USP38: variants seen among roughly 807,000 people sequenced by gnomAD.
USP38 encodes ubiquitin specific peptidase 38.
USP38 carries 49 observed loss-of-function variants against 94.3 expected under a neutral mutation model. The ratio of observed to expected loss-of-function variants is 0.52; its 90% CI spans 0.41 to 0.66. USP38 has a LOEUF of 0.66. Ranked by LOEUF, USP38 falls within the 30% of genes least tolerant of loss-of-function variation. USP38 has a pLI of 0.00. For missense variants in USP38, 1,128 were observed against 1,229.4 expected (o/e 0.92, Z 1.23); for synonymous variants, 468 against 463.6 (o/e 1.01, Z -0.12).
At position 143,214,886 on chromosome 4, in the gene USP38, A is replaced by T. The variant is rs1732142228; in HGVS notation, c.2910A>T (p.Pro970=). The T allele has an allele frequency of 6.2e-7, 1 of 1,613,380 alleles. No homozygotes were observed. Among genetic ancestry groups the T allele is most frequent in the Non-Finnish European group, 8.5e-7 (1 of 1,179,664 alleles). Residue 970 remains proline (P), a synonymous_variant, in exon 9 of 10, where the codon CCA becomes CCT. Coordinates refer to ENST00000307017, the MANE Select transcript of USP38 (RefSeq NM_032557.6). ...GTGGACTCTGGATAAATGGAGACCC[A>T]CCTCTACAGAAAGAACTTATGGATG... is the stretch of plus-strand genomic sequence containing the variant. ...PTSGLWINGD[P]PLQKELMDAI... is the part of the protein sequence containing the mutation.
intron 2 of USP38, among the ~76,000 whole-genome samples, chr4:143,194,142 G>A (rs1169083171): frequency 1.3e-5 from 2 of 152,196 alleles, no homozygotes; most frequent in Non-Finnish European, 2.9e-5. Context: ...TTTTAGTAAT[G>A]TATTTATGTC....
intron 6 of USP38, 96 bp downstream of exon 6, chr4:143,206,322 T>A: frequency 1.0e-6 from 1 of 1,004,924 alleles, no homozygotes; most frequent in Non-Finnish European, 1.4e-6. Flanking sequence ...TTATTCCTTA[T>A]AAATGGCATA....
At chr4:143,197,125 T>C (rs1731573004) in intron 3 of USP38, among the ~76,000 whole-genome samples, 1 of 152,226 alleles carries the variant, frequency 6.6e-6, no homozygotes, top group African/African-American at 2.4e-5. Context: ...TTGCTTCACT[T>C]ACACTGCCCT....
In USP38 at chr4:143,214,699, A is replaced by C; in HGVS notation, c.2723A>C (p.Glu908Ala). 2.5e-6 allele frequency: 4 copies of C among 1,613,750 alleles called. No individual in the cohort carries two copies. The highest frequency in any genetic ancestry group is 3.4e-6 in the Non-Finnish European group (4 of 1,179,816). The change falls in exon 9 of 10, where the codon GAA becomes GCA. Residue 908 changes from glutamate (E) to alanine (A), a missense_variant. Glu to Ala is a moderately radical substitution (Grantham distance 107). Coordinates refer to ENST00000307017, the MANE Select transcript of USP38 (RefSeq NM_032557.6). ...TTTGAACAGGATTTGGAAAATAAGG[A>C]AATGTCAAAAGAATGGTTTTTATTT... is the stretch of plus-strand genomic sequence containing the variant. Reference protein sequence around the residue: ...AVFEQDLENKEMSKEWFLFND... With the variant: ...AVFEQDLENKAMSKEWFLFND...
Position 143,213,658 on chromosome 4 carries a change from C to A in USP38, c.1682C>A (p.Ser561Tyr), listed in dbSNP as rs1293197415. 6.2e-6 allele frequency: 10 copies of A among 1,613,500 alleles called. No individual in the cohort carries two copies. Among genetic ancestry groups the A allele is most frequent in the Non-Finnish European group, 8.5e-6 (10 of 1,179,704 alleles). ...PSEILECSET[S>Y]LQEVASKAAV... ...GAAATTCTGGAATGCAGTGAAACTT[C>A]TTTACAGGAAGTAGCTAGTAAAGCA... The change falls in exon 9 of 10, where the codon TCT becomes TAT. Residue 561 changes from serine (S) to tyrosine (Y), a missense_variant. By Grantham distance (144) the Ser-to-Tyr change is moderately radical (BLOSUM62 -2). Coordinates refer to ENST00000307017, the MANE Select transcript of USP38 (RefSeq NM_032557.6).
chr4:143,208,409 A>C (rs887278290), intron 6 of USP38, among the ~76,000 whole-genome samples: 2 of 152,266 alleles, frequency 1.3e-5, no homozygotes, highest in East Asian at 3.9e-4. Flanking sequence ...TATCCTTTGA[A>C]TATCTTTCAA....
intron 9 of USP38, among the ~76,000 whole-genome samples, chr4:143,218,415 G>A (rs1434935810): frequency 6.6e-6 from 1 of 151,940 alleles, no homozygotes; most frequent in Non-Finnish European, 1.5e-5. Flanking sequence ...TTTTGACATT[G>A]TACACAATGT....
In USP38 at chr4:143,214,769, A is replaced by G. The variant is rs1255120891; in HGVS notation, c.2793A>G (p.Lys931=). 1 of 1,613,790 alleles carries G rather than the reference A, an allele frequency of 6.2e-7. No homozygotes were observed. The highest frequency in any genetic ancestry group is 1.7e-5 in the Admixed American group (1 of 59,960). ...TTACTTCATTTCAGTCAGTCCAGAAAATTACGAGCAGGTTTCCAAAGGACA... is the reference window on the plus strand; with the variant it reads ...TTACTTCATTTCAGTCAGTCCAGAAGATTACGAGCAGGTTTCCAAAGGACA... ...VTFTSFQSVQ[K]ITSRFPKDTA... The change falls in exon 9 of 10, where the codon AAA becomes AAG. Residue 931 remains lysine (K), a synonymous_variant. Coordinates refer to ENST00000307017, the MANE Select transcript of USP38 (RefSeq NM_032557.6).
At chr4:143,215,217 A>G (rs1244891241) in intron 9 of USP38, 2 of 392,666 alleles carry the variant, frequency 5.1e-6, no homozygotes, top group South Asian at 3.2e-5. Context: ...CAAAATACAG[A>G]AAGTTTACAA....
intron 2 of USP38, among the ~76,000 whole-genome samples, chr4:143,191,649 G>C (rs542867602): frequency 6.6e-6 from 1 of 152,142 alleles, no homozygotes; most frequent in Non-Finnish European, 1.5e-5. Flanking sequence ...ATAAAGAAAT[G>C]CTTTATTTAA....
chr4:143,188,569 T>C (rs1027742501), intron 2 of USP38, among the ~76,000 whole-genome samples: 2 of 152,078 alleles, frequency 1.3e-5, no homozygotes, highest in African/African-American at 4.8e-5. Context: ...CTGGAAACTT[T>C]TATGTTCTCT....
In USP38 at chr4:143,213,845, C is replaced by T. The variant is rs759053894; in HGVS notation, c.1869C>T (p.Ser623=). The T allele has an allele frequency of 5.0e-6, 8 of 1,613,706 alleles. No homozygotes were observed. The highest frequency in any genetic ancestry group is 1.7e-5 in the Admixed American group (1 of 59,952). Residue 623 remains serine, a synonymous_variant, in exon 9 of 10, where the codon TCC becomes TCT. Transcript: ENST00000307017. ...ATCTTTCGCTTGCCTTTTGTCCTTC[C>T]TCTTCTTTGGAAAACATGTCTGTCC... ...FTDLSLAFCP[S]SSLENMSVQD... is the part of the protein sequence containing the mutation.
At chr4:143,202,402 T>C (rs1287956471) in intron 4 of USP38, among the ~76,000 whole-genome samples, 2 of 152,162 alleles carry the variant, frequency 1.3e-5, no homozygotes, top group Non-Finnish European at 2.9e-5. Flanking sequence ...CTGTTATTGC[T>C]GTTTGATGGT....
rs374263196 is a variant in USP38 at position 143,214,014 on chromosome 4, A to T, written c.2038A>T (p.Ser680Cys). The T allele has an allele frequency of 1.2e-6, 2 of 1,613,526 alleles. No homozygotes were observed. The highest frequency in any genetic ancestry group is 1.3e-5 in the African/African-American group (1 of 74,900). ...ACTTGTGAATGAAAAAACCATAGGC[A>T]GTCCTCCTAATGAGTTTTACTGTTC... The part of the protein sequence containing the change: ...DSLVNEKTIG[S>C]PPNEFYCSEN... The change falls in exon 9 of 10, where the codon AGT (serine) becomes TGT (cysteine). Residue 680 changes from serine to cysteine, a missense_variant. Physicochemically the swap from Ser to Cys is moderately radical, Grantham distance 112. Transcript: ENST00000307017.
chr4:143,213,494 T>C, intron 8 of USP38, 87 bp from the exon 9 acceptor site: 1 of 1,290,776 alleles, frequency 7.7e-7, no homozygotes, highest in African/African-American at 1.5e-5. Context: ...TTGATTAGAA[T>C]AGTTTATAGA....
chr4:143,220,590 G>C lies in USP38; in HGVS notation c.*134G>C. 1.1e-6 allele frequency: 1 copy of C among 890,696 alleles called. No individual in the cohort carries two copies. Among genetic ancestry groups the C allele is most frequent in the Non-Finnish European group, 1.5e-6 (1 of 663,150 alleles). The allele number at this position is 890,696 out of a possible 1,614,324, so 55.2% of individuals were successfully genotyped here. A position where few individuals can be genotyped will look rare whatever the true frequency, so the allele number is the denominator to read the frequency against. ...CTTCAAGAGAACACACTCAGTGCTT[G>C]TTTTTATTTTCTTGACACATTTATT... On this transcript the variant is annotated 3_prime_UTR_variant, in exon 10 of 10. Coordinates refer to ENST00000307017, the MANE Select transcript of USP38 (RefSeq NM_032557.6).
chr4:143,189,972 C>A (rs1315743242), intron 2 of USP38, among the ~76,000 whole-genome samples: 1 of 152,044 alleles, frequency 6.6e-6, no homozygotes, highest in East Asian at 1.9e-4. Context: ...CAGTTCTGAT[C>A]TGTATGTAGT....
At position 143,195,860 on chromosome 4, in the gene USP38, G is replaced by A. The variant is rs373405177; in HGVS notation, c.948+15G>A. The stretch of plus-strand genomic sequence containing the variant: ...AAATAGAACTGGTAAGTGGGAGTAT[G>A]GAAATCTATTAGAATATATAGACTC... On this transcript the variant is annotated intron_variant, in intron 3 of 9. Coordinates refer to ENST00000307017, the MANE Select transcript of USP38 (RefSeq NM_032557.6). 1.2e-6 allele frequency: 2 copies of A among 1,602,564 alleles called. No homozygotes were observed. The highest frequency in any genetic ancestry group is 1.7e-5 in the Admixed American group (1 of 57,448).
intron 3 of USP38, among the ~76,000 whole-genome samples, chr4:143,197,272 C>T (rs1369410424): frequency 6.6e-6 from 1 of 152,176 alleles, no homozygotes; most frequent in East Asian, 1.9e-4. Context: ...GATATCACTT[C>T]TTTCATGAGG....
Sources: gnomAD v4.1 joint callset for allele counts (sites outside exome capture counted in the v4.1 genomes callset) on GRCh38, gnomAD v4.1.1 for gene constraint, MANE v1.5 for transcripts, NCBI Gene and HGNC (gene_info 2026-07-23, HGNC 2026-07-21) for gene names.